Variants in APTX observed in about 807,000 individuals in gnomAD.
The protein encoded by APTX is aprataxin.
Under a neutral mutation model 42.3 loss-of-function variants are expected in APTX, and 33 were observed. The ratio of observed to expected loss-of-function variants is 0.78; its 90% CI spans 0.59 to 1.04. The LOEUF is 1.04. Ranked by LOEUF, APTX falls within the 50% of genes least tolerant of loss-of-function variation. APTX has a pLI of 0.00. For missense variants in APTX, 421 were observed against 415.1 expected (o/e 1.01, Z -0.12); for synonymous variants, 130 against 146.7 (o/e 0.89, Z 0.82).
intron 6 of APTX, among the ~76,000 whole-genome samples, chr9:32,974,969 C>G (rs1342545585): frequency 6.6e-6 from 1 of 152,046 alleles, no homozygotes; most frequent in Non-Finnish European, 1.5e-5. Flanking sequence ...GGGGTAGAAG[C>G]TGCCCTCTTT....
At chr9:33,016,688 G>A (rs1190110128) in intron 1 of APTX, among the ~76,000 whole-genome samples, 1 of 149,262 alleles carries the variant, frequency 6.7e-6, no homozygotes, top group South Asian at 2.1e-4. Context: ...CATTTTTTTA[G>A]AATTAAAAAA....
chr9:33,023,540 G>A (rs1838573721), intron 1 of APTX, among the ~76,000 whole-genome samples: 1 of 152,160 alleles, frequency 6.6e-6, no homozygotes, highest in Non-Finnish European at 1.5e-5. Context: ...CGTGATTTTT[G>A]TATTACAAAG....
At chr9:33,016,420 C>T (rs1347490850) in intron 1 of APTX, among the ~76,000 whole-genome samples, 1 of 152,084 alleles carries the variant, frequency 6.6e-6, no homozygotes, top group African/African-American at 2.4e-5. Context: ...ATGAGCAATC[C>T]AGTTTACAAA....
intron 1 of APTX, among the ~76,000 whole-genome samples, chr9:33,018,114 T>G (rs1838048144): frequency 6.7e-6 from 1 of 149,442 alleles, no homozygotes; most frequent in South Asian, 2.1e-4. Flanking sequence ...TTATTTTTTA[T>G]TTAATTTTTT....
In APTX at chr9:33,001,601, T is replaced by C. The variant is rs1836551266; in HGVS notation, c.-39A>G. 3.1e-6 allele frequency: 5 copies of C among 1,613,832 alleles called. No homozygotes were observed. The South Asian group carries it at 4.4e-5, about 14-fold the overall frequency. On this transcript the variant is annotated 5_prime_UTR_variant, in exon 1 of 8. Coordinates refer to ENST00000379817, the MANE Select transcript of APTX (RefSeq NM_001195248.2). The stretch of plus-strand genomic sequence containing the variant: ...TCGGAGACGGACAAATTCACGTTAC[T>C]CATCTGTGCCTCACCGCTTCCGGCG...
intron 1 of APTX, among the ~76,000 whole-genome samples, chr9:33,014,334 G>GAGA (rs141775485): frequency 0.07 from 10,714 of 152,266 alleles, 512 homozygotes; most frequent in Non-Finnish European, 0.11. Flanking sequence ...CCCATATTTG[G>GAGA]AGATGTGGGA....
In APTX at chr9:32,986,135, C is replaced by T. The variant is rs1002821758; in HGVS notation, c.484-105G>A. ...CAACAGTTAATACTGTGTGATAGCA[C>T]AACTAAACTTGGAAATAAGCTTAGT... On this transcript the variant is annotated intron_variant, in intron 4 of 7. Coordinates refer to ENST00000379817, the MANE Select transcript of APTX (RefSeq NM_001195248.2). 7.7e-6 allele frequency: 8 copies of T among 1,044,248 alleles called. No homozygotes were observed. In the Admixed American group the frequency reaches 8.5e-5, roughly 11 times the overall value. 64.7% of individuals were successfully genotyped at this position (1,044,248 alleles called of 1,614,324 possible). A position where few individuals can be genotyped will look rare whatever the true frequency, so the allele number is the denominator to read the frequency against.
intron 1 of APTX, chr9:33,019,777 G>C (rs1467809888): frequency 1.7e-6 from 1 of 600,984 alleles, no homozygotes. Context: ...AGTTGATAAG[G>C]GAAATTCGGA....
At chr9:33,017,437 T>C (rs1837976686) in intron 1 of APTX, among the ~76,000 whole-genome samples, 1 of 152,154 alleles carries the variant, frequency 6.6e-6, no homozygotes, top group Admixed American at 6.5e-5. Flanking sequence ...TAGACAGAGC[T>C]GTCCTCACAT....
intron 6 of APTX, among the ~76,000 whole-genome samples, chr9:32,983,415 T>C (rs957124285): frequency 2.6e-5 from 4 of 152,210 alleles, no homozygotes; most frequent in African/African-American, 9.7e-5. Context: ...AGGATAGACA[T>C]CTTCTGTATC....
chr9:32,996,389 C>A (rs1376282731), intron 1 of APTX, among the ~76,000 whole-genome samples: 1 of 151,944 alleles, frequency 6.6e-6, no homozygotes, highest in African/African-American at 2.4e-5. Context: ...GGTCCTCCAG[C>A]CTCAGCCTCT....
At chr9:33,018,665 G>A (rs539400295) in intron 1 of APTX, among the ~76,000 whole-genome samples, 1 of 151,188 alleles carries the variant, frequency 6.6e-6, no homozygotes, top group African/African-American at 2.4e-5. Context: ...GGATCACGAG[G>A]TCAGGAGTTC....
intron 1 of APTX, among the ~76,000 whole-genome samples, chr9:32,992,602 CAG>C (rs1312907532): frequency 6.6e-6 from 1 of 152,176 alleles, no homozygotes. Context: ...CAAAAAAAGA[CAG>C]AGGTGTTGAA....
chr9:33,002,951 G>A (rs1031961729), upstream of APTX, among the ~76,000 whole-genome samples: 1 of 152,148 alleles, frequency 6.6e-6, no homozygotes, highest in Non-Finnish European at 1.5e-5. Context: ...AGAAGATGCA[G>A]GTTTATATTA....
chr9:32,984,921 T>C, intron 5 of APTX, 64 bp from the exon 6 acceptor site: 1 of 1,422,082 alleles, frequency 7.0e-7, no homozygotes, highest in East Asian at 2.3e-5. Context: ...TGCCTGGTTG[T>C]TATATTCACT....
At chr9:32,986,054 A>C (rs1587452270) in intron 4 of APTX, 24 bp from the exon 5 acceptor site, 7 of 665,308 alleles carry the variant, frequency 1.1e-5, no homozygotes, top group East Asian at 3.2e-5. Context: ...AAAAAAAAAA[A>C]CAAAAAAAAA....
At chr9:33,006,112 T>C (rs957571166), upstream of APTX, among the ~76,000 whole-genome samples, 1 of 151,960 alleles carries the variant, frequency 6.6e-6, no homozygotes, top group Non-Finnish European at 1.5e-5. Flanking sequence ...CAGTTAGAAA[T>C]GAGATCTCAC....
intron 1 of APTX, among the ~76,000 whole-genome samples, chr9:33,023,602 C>CA (rs1243862009): frequency 7.2e-5 from 11 of 152,030 alleles, no homozygotes; most frequent in African/African-American, 2.2e-4. Context: ...TTGGTTTAAA[C>CA]AAAAAACTTT....
chr9:32,996,418 G>A (rs1467798610), intron 1 of APTX, among the ~76,000 whole-genome samples: 1 of 152,010 alleles, frequency 6.6e-6, no homozygotes. Context: ...TGGGACTACA[G>A]ACACACACCA....
Sources: gnomAD v4.1 joint callset for allele counts (sites outside exome capture counted in the v4.1 genomes callset) on GRCh38, gnomAD v4.1.1 for gene constraint, MANE v1.5 for transcripts, NCBI Gene and HGNC (gene_info 2026-07-23, HGNC 2026-07-21) for gene names.